Variants in NLGN1 observed in about 807,000 individuals in gnomAD.
NLGN1 encodes the protein neuroligin-1.
A neutral mutation model predicts 65.5 loss-of-function variants in NLGN1; 12 were observed. The observed-to-expected ratio is 0.18, with a 90% CI of 0.12 to 0.30. The LOEUF is 0.30. Ranked by LOEUF, NLGN1 falls within the 10% of genes least tolerant of loss-of-function variation. The probability of loss-of-function intolerance (pLI) is 1.00; values close to 1 mark genes in which losing one functional copy is unlikely to be tolerated. For missense variants in NLGN1, 750 were observed against 1,007.1 expected, an observed-to-expected ratio of 0.74 and a Z score of 3.46; for synonymous variants, 350 against 359.5, an observed-to-expected ratio of 0.97 and a Z score of 0.30.
At chr3:173,408,581 A>G (rs1026159001) in intron 1 of NLGN1, among the ~76,000 whole-genome samples, 4 of 152,174 alleles carry the variant, frequency 2.6e-5, no homozygotes, top group Non-Finnish European at 4.4e-5. Context: ...CATGTTTTCT[A>G]TAGAACTGCG....
At chr3:173,615,821 T>G (rs2149485678) in intron 3 of NLGN1, among the ~76,000 whole-genome samples, 1 of 151,636 alleles carries the variant, frequency 6.6e-6, no homozygotes, top group South Asian at 2.1e-4. Flanking sequence ...TGGCTACTGA[T>G]ACAACAGCTG....
intron 4 of NLGN1, among the ~76,000 whole-genome samples, chr3:173,890,448 T>C (rs1735117685): frequency 6.6e-6 from 1 of 152,142 alleles, no homozygotes; most frequent in South Asian, 2.1e-4. Flanking sequence ...CTGGCCTTTA[T>C]AGATATTGCA....
At chr3:173,581,781 G>T (rs1489045515) in intron 2 of NLGN1, among the ~76,000 whole-genome samples, 1 of 151,778 alleles carries the variant, frequency 6.6e-6, no homozygotes, top group Non-Finnish European at 1.5e-5. Flanking sequence ...ATATGGTAAA[G>T]ATTCACAGGA....
intron 2 of NLGN1, among the ~76,000 whole-genome samples, chr3:173,582,806 T>C (rs1553766441): frequency 1.3e-5 from 2 of 152,148 alleles, no homozygotes; most frequent in Non-Finnish European, 2.9e-5. Flanking sequence ...TTGGCTTTTT[T>C]ATGTTGTTTA....
intron 2 of NLGN1, among the ~76,000 whole-genome samples, chr3:173,474,909 G>T (rs1373815018): frequency 3.9e-5 from 6 of 151,960 alleles, no homozygotes; most frequent in African/African-American, 1.5e-4. Context: ...AGTGAGTGGA[G>T]ATCCCGCCAC....
intron 1 of NLGN1, among the ~76,000 whole-genome samples, chr3:173,433,772 C>T (rs997155776): frequency 6.6e-6 from 1 of 152,066 alleles, no homozygotes; most frequent in African/African-American, 2.4e-5. Context: ...ATCAGTTGTC[C>T]CATCACTTTA....
intron 3 of NLGN1, among the ~76,000 whole-genome samples, chr3:173,673,641 G>A (rs980803382): frequency 6.6e-6 from 1 of 151,976 alleles, no homozygotes. Flanking sequence ...AGGAAACTGG[G>A]GCATAGAGAA....
intron 4 of NLGN1, among the ~76,000 whole-genome samples, chr3:173,941,741 T>C (rs1460437942): frequency 6.6e-6 from 1 of 152,036 alleles, no homozygotes; most frequent in Non-Finnish European, 1.5e-5. Context: ...AACTGTGTTA[T>C]AGGAAAACAA....
At chr3:173,878,650 G>A (rs1450331849) in intron 4 of NLGN1, among the ~76,000 whole-genome samples, 4 of 146,886 alleles carry the variant, frequency 2.7e-5, no homozygotes, top group African/African-American at 5.0e-5. Flanking sequence ...TTATATATGT[G>A]TATATATATA....
intron 2 of NLGN1, among the ~76,000 whole-genome samples, chr3:173,499,838 A>T (rs920188899): frequency 4.6e-5 from 7 of 151,866 alleles, no homozygotes; most frequent in Non-Finnish European, 8.8e-5. Context: ...GAGTTCACTC[A>T]TGATTTGGCT....
rs112017955 is a variant in NLGN1, at chr3:173,560,758, A to T, written c.-320-43521A>T. Among the ~76,000 whole-genome samples the T allele has an allele frequency of 2.1e-3, 322 of 152,300 alleles. 1 individual carries two copies. Among genetic ancestry groups the T allele is most frequent in the Middle Eastern group, 0.01 (3 of 294 alleles). On this transcript the variant is annotated intron_variant, in intron 2 of 6. Transcript: ENST00000457714. ...AGATTAAGTAAAAATCTATGAAAGCACCTTAAAAACAACATTTATATTTAT... is the reference window on the plus strand; with the variant it reads ...AGATTAAGTAAAAATCTATGAAAGCTCCTTAAAAACAACATTTATATTTAT...
intron 2 of NLGN1, among the ~76,000 whole-genome samples, chr3:173,597,328 AAG>A (rs1276816183): frequency 6.6e-6 from 1 of 152,206 alleles, no homozygotes; most frequent in African/African-American, 2.4e-5. Flanking sequence ...CACCTCAAAT[AAG>A]AGGGCTTGTC....
chr3:173,677,012 ATG>A (rs1763260488), intron 3 of NLGN1, among the ~76,000 whole-genome samples: 1 of 152,150 alleles, frequency 6.6e-6, no homozygotes, highest in Non-Finnish European at 1.5e-5. Flanking sequence ...GTGATAGAGC[ATG>A]TATAAATTCC....
chr3:173,899,652 G>C (rs1321923694), intron 4 of NLGN1, among the ~76,000 whole-genome samples: 2 of 152,038 alleles, frequency 1.3e-5, no homozygotes, highest in African/African-American at 2.4e-5. Flanking sequence ...CATTAATAAA[G>C]TTTTATTGGA....
chr3:174,278,737 T>A (rs1318876021), intron 5 of NLGN1, 124 bp from the exon 6 acceptor site: 1 of 731,958 alleles, frequency 1.4e-6, no homozygotes, highest in Non-Finnish European at 2.0e-6. Context: ...GAAAAATATC[T>A]CTAACTCCCT....
intron 4 of NLGN1, among the ~76,000 whole-genome samples, chr3:173,978,372 G>T (rs1221516603): frequency 1.3e-5 from 2 of 152,074 alleles, no homozygotes; most frequent in African/African-American, 2.4e-5. Context: ...GAAATTTTTA[G>T]TTTAGTTATG....
chr3:173,450,793 A>T (rs1287100663), intron 2 of NLGN1, among the ~76,000 whole-genome samples: 1 of 151,930 alleles, frequency 6.6e-6, no homozygotes, highest in African/African-American at 2.4e-5. Context: ...ACTTGTATTC[A>T]CGCTTCATTT....
At chr3:174,132,344 T>A (rs1217313288) in intron 4 of NLGN1, among the ~76,000 whole-genome samples, 1 of 152,228 alleles carries the variant, frequency 6.6e-6, no homozygotes, top group Admixed American at 6.5e-5. Flanking sequence ...GACATCCTGA[T>A]TGCATTTGCA....
chr3:173,732,527 G>A (rs552297230), intron 3 of NLGN1, among the ~76,000 whole-genome samples: 32 of 152,184 alleles, frequency 2.1e-4, no homozygotes, highest in Non-Finnish European at 3.1e-4. Flanking sequence ...GGCTGGGTTC[G>A]GGGTGGGTAG....
Sources: allele counts gnomAD v4.1 joint callset (sites outside exome capture counted in the v4.1 genomes callset), GRCh38; gene constraint gnomAD v4.1.1; transcripts MANE v1.5; gene names NCBI Gene and HGNC (gene_info 2026-07-23, HGNC 2026-07-21).